Variants in IGF2BP3 observed in about 807,000 individuals in gnomAD.
IGF2BP3 encodes the protein insulin-like growth factor 2 mRNA-binding protein 3.
In IGF2BP3, 9 loss-of-function variants were observed where a neutral mutation model predicts 73.8. That is an observed-to-expected ratio of 0.12 (90% CI 0.07 to 0.21). IGF2BP3 has a LOEUF of 0.21. Among genes scored for constraint, IGF2BP3 ranks in the 10% least tolerant of loss-of-function variants. The probability of loss-of-function intolerance (pLI) is 1.00; values close to 1 mark genes in which losing one functional copy is unlikely to be tolerated. For synonymous variants in IGF2BP3, 258 were observed against 256.7 expected (o/e 1.01, Z -0.05); for missense variants, 542 against 714.0 (o/e 0.76, Z 2.75).
chr7:23,353,853 G>C (rs925095526), intron 5 of IGF2BP3, among the ~76,000 whole-genome samples: 1 of 152,168 alleles, frequency 6.6e-6, no homozygotes, highest in Non-Finnish European at 1.5e-5. Context: ...AGGGAATGTG[G>C]ATTAAGGGAC....
At chr7:23,385,969 T>G (rs950329717) in intron 3 of IGF2BP3, among the ~76,000 whole-genome samples, 1 of 152,226 alleles carries the variant, frequency 6.6e-6, no homozygotes, top group African/African-American at 2.4e-5. Flanking sequence ...ATGATATTGA[T>G]TTTTTTAAGC....
At chr7:23,373,191 A>G (rs1785611703) in intron 3 of IGF2BP3, among the ~76,000 whole-genome samples, 1 of 152,226 alleles carries the variant, frequency 6.6e-6, no homozygotes, top group Non-Finnish European at 1.5e-5. Flanking sequence ...ATACTTCTAT[A>G]CATCTTAGTC....
intron 2 of IGF2BP3, among the ~76,000 whole-genome samples, chr7:23,434,439 CCA>C (rs1182390091): frequency 1.3e-5 from 2 of 152,116 alleles, no homozygotes; most frequent in African/African-American, 4.8e-5. Flanking sequence ...ACTTACACAG[CCA>C]GACTTGTTTA....
rs549864380 is a variant in IGF2BP3, at chr7:23,317,220, A to G, written c.1395+419T>C. On this transcript the variant is annotated intron_variant, in intron 12 of 14. Transcript: ENST00000258729. The stretch of plus-strand genomic sequence containing the variant: ...GATCCCAGGGATTAGAGAGATTTGT[A>G]GAGTCTATGGGCAGGGTCTAACAGA... Among the ~76,000 whole-genome samples the G allele has an allele frequency of 5.3e-5, 8 of 152,336 alleles. No individual in the cohort carries two copies. The East Asian group carries it at 5.8e-4, about 11-fold the overall frequency.
chr7:23,390,955 C>T (rs532959508), intron 3 of IGF2BP3, among the ~76,000 whole-genome samples: 6 of 151,612 alleles, frequency 4.0e-5, no homozygotes, highest in African/African-American at 9.7e-5. Flanking sequence ...CCCACCACTA[C>T]GCCAGCTAAT....
chr7:23,393,798 GAGA>G (rs1786360812), intron 3 of IGF2BP3, among the ~76,000 whole-genome samples: 1 of 152,196 alleles, frequency 6.6e-6, no homozygotes, highest in Admixed American at 6.5e-5. Context: ...CAGCCTGTGT[GAGA>G]AGGATTCTGC....
At chr7:23,387,426 A>G (rs1003192332) in intron 3 of IGF2BP3, among the ~76,000 whole-genome samples, 1 of 152,236 alleles carries the variant, frequency 6.6e-6, no homozygotes, top group African/African-American at 2.4e-5. Context: ...CAGATAAAGG[A>G]TATTAGGTAA....
intron 10 of IGF2BP3, among the ~76,000 whole-genome samples, chr7:23,340,865 T>C (rs922932842): frequency 2.5e-4 from 37 of 149,788 alleles, no homozygotes; most frequent in South Asian, 1.9e-3. Context: ...TTTTTTTTTT[T>C]CCCAGACAGA....
intron 3 of IGF2BP3, among the ~76,000 whole-genome samples, chr7:23,417,628 CA>C (rs903982945): frequency 7.3e-5 from 11 of 151,570 alleles, no homozygotes; most frequent in Admixed American, 5.3e-4. Context: ...AGCTCCTGAA[CA>C]AAAAAAATCA....
intron 3 of IGF2BP3, among the ~76,000 whole-genome samples, chr7:23,409,580 A>G (rs1462402229): frequency 2.6e-5 from 4 of 152,208 alleles, no homozygotes; most frequent in Non-Finnish European, 4.4e-5. Flanking sequence ...CCAGAAACAG[A>G]CCCACACAAA....
At chr7:23,364,158 G>A (rs1279524557) in intron 3 of IGF2BP3, among the ~76,000 whole-genome samples, 1 of 151,508 alleles carries the variant, frequency 6.6e-6, no homozygotes, top group African/African-American at 2.4e-5. Flanking sequence ...GGTGGATCAC[G>A]AGGTGAGGAG....
At chr7:23,397,290 C>T (rs1786507278) in intron 3 of IGF2BP3, among the ~76,000 whole-genome samples, 1 of 152,212 alleles carries the variant, frequency 6.6e-6, no homozygotes, top group Non-Finnish European at 1.5e-5. Flanking sequence ...TTCAAAAAGG[C>T]TTCTAAGAAG....
intron 2 of IGF2BP3, among the ~76,000 whole-genome samples, chr7:23,432,317 CTT>C (rs1344179503): frequency 6.6e-6 from 1 of 152,258 alleles, no homozygotes; most frequent in Middle Eastern, 3.4e-3. Flanking sequence ...ACTGCTATGT[CTT>C]TCTTTTAGAA....
At chr7:23,462,279 CTAA>C (rs1788466311) in intron 2 of IGF2BP3, among the ~76,000 whole-genome samples, 1 of 152,098 alleles carries the variant, frequency 6.6e-6, no homozygotes, top group Admixed American at 6.5e-5. Context: ...CCCTCAACAA[CTAA>C]TAATAATGCA....
At chr7:23,374,134 G>T (rs757103227) in intron 3 of IGF2BP3, among the ~76,000 whole-genome samples, 17 of 152,250 alleles carry the variant, frequency 1.1e-4, no homozygotes, top group East Asian at 5.8e-4. Flanking sequence ...ACGTCCAAAA[G>T]AACTGAACAC....
intron 3 of IGF2BP3, among the ~76,000 whole-genome samples, chr7:23,410,716 C>A (rs1786991681): frequency 6.6e-6 from 1 of 152,150 alleles, no homozygotes; most frequent in East Asian, 1.9e-4. Flanking sequence ...TACGTCCAGA[C>A]CTGGGGAGGA....
chr7:23,391,547 C>T (rs529589406), intron 3 of IGF2BP3, among the ~76,000 whole-genome samples: 1 of 152,224 alleles, frequency 6.6e-6, no homozygotes, highest in African/African-American at 2.4e-5. Flanking sequence ...TTCCTGGAAG[C>T]CAGTGCTGAT....
At chr7:23,340,865 TC>T (rs372699579) in intron 10 of IGF2BP3, among the ~76,000 whole-genome samples, 11,751 of 149,682 alleles carry the variant, frequency 0.079, 1,040 homozygotes, top group African/African-American at 0.21. Context: ...TTTTTTTTTT[TC>T]CCAGACAGAG....
At chr7:23,392,434 A>ATATC (rs1786308329) in intron 3 of IGF2BP3, among the ~76,000 whole-genome samples, 1 of 73,152 alleles carries the variant, frequency 1.4e-5, no homozygotes, top group South Asian at 4.1e-4. Flanking sequence ...GCTTATCATC[A>ATATC]TATATATATA....
Sources: allele counts gnomAD v4.1 joint callset (sites outside exome capture counted in the v4.1 genomes callset), GRCh38; gene constraint gnomAD v4.1.1; transcripts MANE v1.5; gene names NCBI Gene and HGNC (gene_info 2026-07-23, HGNC 2026-07-21).